Variants in STAG1 observed in about 807,000 individuals in gnomAD.
STAG1 encodes the protein cohesin subunit SA-1.
STAG1 carries 26 observed loss-of-function variants against 170.9 expected under a neutral mutation model. That is an observed-to-expected ratio of 0.15 (90% CI 0.11 to 0.21). The LOEUF (loss-of-function observed/expected upper bound fraction) is 0.21. Among genes scored for constraint, STAG1 ranks in the 10% least tolerant of loss-of-function variants. The pLI, the probability that STAG1 is intolerant of heterozygous loss-of-function variation, is 1.00. For missense variants in STAG1, 964 were observed against 1,509.5 expected, an observed-to-expected ratio of 0.64 and a Z score of 5.99; for synonymous variants, 514 against 497.7, an observed-to-expected ratio of 1.03 and a Z score of -0.44.
At chr3:136,736,538 C>A (rs1417093649) in intron 1 of STAG1, 1 of 1,490,508 alleles carries the variant, frequency 6.7e-7, no homozygotes, top group African/African-American at 1.4e-5. Flanking sequence ...TCAGGAAGGT[C>A]CGATTTATCT....
intron 28 of STAG1, among the ~76,000 whole-genome samples, chr3:136,353,645 A>G (rs1426635392): frequency 6.6e-6 from 1 of 152,202 alleles, no homozygotes; most frequent in Non-Finnish European, 1.5e-5. Context: ...GGCTCAAGCA[A>G]TCTTCCTGCT....
chr3:136,558,109 T>TG (rs1257396167), intron 5 of STAG1, among the ~76,000 whole-genome samples: 3 of 152,124 alleles, frequency 2.0e-5, no homozygotes, highest in Non-Finnish European at 2.9e-5. Context: ...TTAAAAATCT[T>TG]GGCCAGGTGC....
chr3:136,641,076 G>A (rs1389932133), intron 1 of STAG1, among the ~76,000 whole-genome samples: 30 of 152,178 alleles, frequency 2.0e-4, no homozygotes, highest in Admixed American at 2.0e-3. Context: ...ATATGAAACT[G>A]TAATGGATCC....
At chr3:136,459,826 T>C (rs2089224836) in intron 13 of STAG1, among the ~76,000 whole-genome samples, 1 of 152,100 alleles carries the variant, frequency 6.6e-6, no homozygotes, top group Non-Finnish European at 1.5e-5. Flanking sequence ...CACAACATAC[T>C]AAAACCTATG....
At chr3:136,747,997 G>A (rs984597422) in intron 1 of STAG1, among the ~76,000 whole-genome samples, 5 of 151,492 alleles carry the variant, frequency 3.3e-5, no homozygotes, top group Non-Finnish European at 5.9e-5. Flanking sequence ...GGATGGTCTC[G>A]ATCTCCTGAC....
intron 1 of STAG1, among the ~76,000 whole-genome samples, chr3:136,664,577 AT>A (rs1272132504): frequency 6.6e-6 from 1 of 152,166 alleles, no homozygotes; most frequent in African/African-American, 2.4e-5. Context: ...TTAGATGGTT[AT>A]TCCCTAATCA....
intron 12 of STAG1, among the ~76,000 whole-genome samples, chr3:136,467,791 G>T (rs1283516892): frequency 6.6e-6 from 1 of 152,116 alleles, no homozygotes; most frequent in Non-Finnish European, 1.5e-5. Context: ...TAAAAGAACA[G>T]AAATTATAAC....
At chr3:136,624,602 A>G (rs528106975) in intron 2 of STAG1, among the ~76,000 whole-genome samples, 1 of 152,292 alleles carries the variant, frequency 6.6e-6, no homozygotes, top group Non-Finnish European at 1.5e-5. Context: ...TGCTTCCTCA[A>G]TTTTTTGTTA....
intron 23 of STAG1, among the ~76,000 whole-genome samples, chr3:136,374,340 A>T (rs1327787775): frequency 6.6e-6 from 1 of 152,164 alleles, no homozygotes; most frequent in Non-Finnish European, 1.5e-5. Flanking sequence ...TATTTTGGCC[A>T]GGCACGGTGG....
intron 30 of STAG1, among the ~76,000 whole-genome samples, chr3:136,342,008 C>T (rs889879810): frequency 1.3e-5 from 2 of 152,042 alleles, no homozygotes; most frequent in Non-Finnish European, 2.9e-5. Flanking sequence ...TGTGTGTAAA[C>T]ATGCCTCTAA....
chr3:136,439,439 CACAA>C (rs201244625), intron 15 of STAG1, among the ~76,000 whole-genome samples: 6,589 of 90,156 alleles, frequency 0.073, 357 homozygotes, highest in South Asian at 0.085. Context: ...CACACACACA[CACAA>C]ACACTGTAAG....
At chr3:136,475,991 T>G (rs1030296649) in intron 10 of STAG1, among the ~76,000 whole-genome samples, 1 of 152,198 alleles carries the variant, frequency 6.6e-6, no homozygotes, top group Admixed American at 6.6e-5. Context: ...AAGTCTCTTA[T>G]GTCAAAATAA....
At chr3:136,608,878 T>C (rs1206126238) in intron 3 of STAG1, among the ~76,000 whole-genome samples, 3 of 151,816 alleles carry the variant, frequency 2.0e-5, no homozygotes, top group African/African-American at 4.8e-5. Context: ...TAGGTTCTTA[T>C]GTGGACAAAA....
At chr3:136,739,789 A>G (rs533337041) in intron 1 of STAG1, among the ~76,000 whole-genome samples, 2 of 152,114 alleles carry the variant, frequency 1.3e-5, no homozygotes, top group African/African-American at 4.8e-5. Flanking sequence ...GCGCCACTGC[A>G]CTCCATCCTG....
intron 7 of STAG1, among the ~76,000 whole-genome samples, chr3:136,506,507 G>T (rs1330193821): frequency 1.3e-5 from 2 of 148,268 alleles, no homozygotes; most frequent in South Asian, 2.2e-4. Context: ...TTTCCCAGAT[G>T]TGGTGACGCA....
intron 5 of STAG1, among the ~76,000 whole-genome samples, chr3:136,557,080 A>G (rs1195120657): frequency 6.6e-6 from 1 of 151,860 alleles, no homozygotes; most frequent in Non-Finnish European, 1.5e-5. Context: ...AAAAATCCCA[A>G]ACAATTAGCC....
chr3:136,370,341 G>C (rs997836147), intron 23 of STAG1, among the ~76,000 whole-genome samples: 3 of 151,700 alleles, frequency 2.0e-5, no homozygotes, highest in Admixed American at 6.6e-5. Context: ...TAATGTATGT[G>C]TTTCTTTTTT....
chr3:136,724,298 C>A (rs2107933429), intron 1 of STAG1, among the ~76,000 whole-genome samples: 1 of 152,100 alleles, frequency 6.6e-6, no homozygotes, highest in East Asian at 1.9e-4. Context: ...TGATCAGTGA[C>A]CCTACCCCCA....
At position 136,464,873 on chromosome 3, in the gene STAG1, T is replaced by C. The variant is rs778619027; in HGVS notation, c.1313+8A>G. On this transcript the variant is annotated splice_region_variant and intron_variant, in intron 13 of 33. Coordinates refer to ENST00000383202, the MANE Select transcript of STAG1 (RefSeq NM_005862.3). Reference sequence around the variant, plus strand: ...AGTAGAACCGGTTTTCAAAGATAATTAGCTCACTTTTTGTGAAGGAACTCT... The same window carrying C: ...AGTAGAACCGGTTTTCAAAGATAATCAGCTCACTTTTTGTGAAGGAACTCT... The C allele has an allele frequency of 1.9e-6, 3 of 1,605,510 alleles. No individual in the cohort carries two copies. Among genetic ancestry groups the C allele is most frequent in the Middle Eastern group, 1.7e-4 (1 of 6,054 alleles).
Sources: gnomAD v4.1 joint callset for allele counts (sites outside exome capture counted in the v4.1 genomes callset) on GRCh38, gnomAD v4.1.1 for gene constraint, MANE v1.5 for transcripts, NCBI Gene and HGNC (gene_info 2026-07-23, HGNC 2026-07-21) for gene names.